IQSEC1: variants seen among roughly 807,000 people sequenced by gnomAD.
IQSEC1 encodes the protein IQ motif and Sec7 domain ArfGEF 1.
A neutral mutation model predicts 91.0 loss-of-function variants in IQSEC1; 31 were observed. The observed-to-expected ratio is 0.34, with a 90% CI of 0.26 to 0.46. IQSEC1 has a LOEUF of 0.46. Among genes scored for constraint, IQSEC1 ranks in the 20% least tolerant of loss-of-function variants. The probability of loss-of-function intolerance (pLI) is 1.00; values close to 1 mark genes in which losing one functional copy is unlikely to be tolerated. For missense variants in IQSEC1, 1,388 were observed against 1,575.6 expected, an observed-to-expected ratio of 0.88 and a Z score of 2.02; for synonymous variants, 699 against 662.6, an observed-to-expected ratio of 1.05 and a Z score of -0.84.
chr3:13,169,184 C>T (rs1483040081), intron 1 of IQSEC1, among the ~76,000 whole-genome samples: 1 of 152,198 alleles, frequency 6.6e-6, no homozygotes, highest in East Asian at 1.9e-4. Context: ...GGGGGCAGGT[C>T]TTTCCCATGC....
intron 2 of IQSEC1, among the ~76,000 whole-genome samples, chr3:13,123,962 C>A (rs1337798050): frequency 6.6e-6 from 1 of 152,230 alleles, no homozygotes; most frequent in Non-Finnish European, 1.5e-5. Context: ...TGGAACGCAG[C>A]CACACCTGTT....
intron 2 of IQSEC1, among the ~76,000 whole-genome samples, chr3:12,941,338 C>T (rs367823252): frequency 6.6e-5 from 10 of 152,198 alleles, no homozygotes; most frequent in Admixed American, 3.9e-4. Flanking sequence ...CCAGAAGGAA[C>T]GCCAGACAAC....
chr3:13,047,444 C>T lies in IQSEC1; in HGVS notation c.23+25548G>A, dbSNP rs180801191. ...TGGGCAGTGAGGACCTAAGGAGATC[C>T]TGGGGCAGGCTGGGGTGGACGGCAA... is the stretch of plus-strand genomic sequence containing the variant. On this transcript the variant is annotated intron_variant, in intron 1 of 13. Coordinates refer to ENST00000613206, the MANE Select transcript of IQSEC1 (RefSeq NM_001134382.3). The T allele has an allele frequency of 1.4e-3, 1,330 of 983,266 alleles. 1 individual carries two copies. The highest frequency in any genetic ancestry group is 1.5e-3 in the Non-Finnish European group (1,264 of 827,982). The allele number at this position is 983,266 out of a possible 1,614,324, so 60.9% of individuals were successfully genotyped here. A position where few individuals can be genotyped will look rare whatever the true frequency, so the allele number is the denominator to read the frequency against.
In IQSEC1 at chr3:12,901,458, C is replaced by T. The variant is rs940980981; in HGVS notation, c.2870G>A (p.Arg957His). ...TGAGTTGGGCATAGTCTGGTGTGGG[C>T]GAGATGGACACTCTCGTGTTGATGT... Reference protein sequence around the residue: ...RATSTRECPSRPHQTMPNSSS... With the variant: ...RATSTRECPSHPHQTMPNSSS... Residue 957 changes from arginine (R) to histidine (H), a missense_variant, in exon 14 of 14, where the codon CGC (arginine) becomes CAC (histidine). Coordinates refer to ENST00000613206, the MANE Select transcript of IQSEC1 (RefSeq NM_001134382.3). 8.4e-6 allele frequency: 13 copies of T among 1,548,974 alleles called. No homozygotes were observed. The highest frequency in any genetic ancestry group is 1.7e-4 in the Middle Eastern group (1 of 6,014).
intron 1 of IQSEC1, chr3:13,042,447 T>C (rs360735): frequency 0.73 from 111,028 of 152,272 alleles, 40,992 homozygotes; most frequent in South Asian, 0.86. Flanking sequence ...GAGAACCGGC[T>C]GCTTCGGCCC....
chr3:13,145,594 G>A (rs1029018725), intron 2 of IQSEC1, among the ~76,000 whole-genome samples: 8 of 152,034 alleles, frequency 5.3e-5, no homozygotes, highest in Non-Finnish European at 1.0e-4. Context: ...AGTCATGACC[G>A]ACTTGGCCCA....
intron 2 of IQSEC1, among the ~76,000 whole-genome samples, chr3:13,116,438 C>G (rs908095271): frequency 6.6e-6 from 1 of 152,266 alleles, no homozygotes; most frequent in African/African-American, 2.4e-5. Flanking sequence ...GAATAGAGAG[C>G]CCAGAAATAA....
Position 12,909,234 on chromosome 3 carries a change from G to C in IQSEC1, c.2578+39C>G, listed in dbSNP as rs757139954. On this transcript the variant is annotated intron_variant, in intron 11 of 13. Transcript: ENST00000613206. This position sits in a 1 kb window ranked among gnomAD's most constrained non-coding sequence, Gnocchi z 4.9. ...ATGGGGAGGCAAGTGCCAGAGTCTG[G>C]CAAGTCTCGGCCTTCTGTCCATGAG... The C allele has an allele frequency of 5.0e-6, 8 of 1,602,602 alleles. No individual in the cohort carries two copies. Among genetic ancestry groups the C allele is most frequent in the Admixed American group, 1.7e-5 (1 of 59,706 alleles).
chr3:13,246,829 T>C (rs893956599), intron 1 of IQSEC1, among the ~76,000 whole-genome samples: 3 of 152,106 alleles, frequency 2.0e-5, no homozygotes, highest in Admixed American at 6.5e-5. Context: ...AACAGCGAGC[T>C]ATGAGCCCTG....
intron 1 of IQSEC1, among the ~76,000 whole-genome samples, chr3:13,250,878 G>A (rs1337086781): frequency 1.3e-5 from 2 of 152,004 alleles, no homozygotes; most frequent in Admixed American, 6.6e-5. Context: ...GCCTCTCTGG[G>A]CTCCCTCCCT....
chr3:13,183,724 TTTTG>T (rs1316362722), intron 1 of IQSEC1, among the ~76,000 whole-genome samples: 3 of 152,172 alleles, frequency 2.0e-5, no homozygotes, highest in Admixed American at 1.3e-4. Context: ...AATTCTTGTG[TTTTG>T]TTTGTTTGTT....
intron 2 of IQSEC1, among the ~76,000 whole-genome samples, chr3:13,138,446 A>T (rs1052564350): frequency 2.7e-5 from 4 of 148,978 alleles, no homozygotes. Context: ...TGCAACACCC[A>T]CCCCTGCAGC....
intron 1 of IQSEC1, among the ~76,000 whole-genome samples, chr3:13,167,690 T>C (rs61485721): frequency 0.1 from 15,354 of 152,174 alleles, 1,414 homozygotes; most frequent in African/African-American, 0.24. Context: ...ACCAAGCCTT[T>C]CTCCAGGTGG....
In IQSEC1 at chr3:12,935,343, A is replaced by T; in HGVS notation, c.1568+105T>A. 1 of 1,150,940 alleles carries T rather than the reference A, an allele frequency of 8.7e-7. No homozygotes were observed. The highest frequency in any genetic ancestry group is 1.2e-6 in the Non-Finnish European group (1 of 804,832). The allele number at this position is 1,150,940 out of a possible 1,614,324, so 71.3% of individuals were successfully genotyped here. On this transcript the variant is annotated intron_variant, in intron 3 of 13. Transcript: ENST00000613206. This position sits in a 1 kb window ranked among gnomAD's most constrained non-coding sequence, Gnocchi z 8.0. ...TGGCAGCTTCCTATGCTCATAGGCC[A>T]CGGTGGACCTCAAGCTCCGTGCTTG... is the stretch of plus-strand genomic sequence containing the variant.
At chr3:13,029,918 A>G (rs940649119) in intron 1 of IQSEC1, among the ~76,000 whole-genome samples, 34 of 152,112 alleles carry the variant, frequency 2.2e-4, no homozygotes. Flanking sequence ...AACCTGCTCC[A>G]TGGCTTTCCT....
At chr3:13,175,759 C>T (rs934178048) in intron 1 of IQSEC1, among the ~76,000 whole-genome samples, 7 of 152,238 alleles carry the variant, frequency 4.6e-5, no homozygotes, top group South Asian at 2.1e-4. Context: ...GCCACTTGTC[C>T]GGTTCACAGA....
chr3:12,978,332 G>GCAA (rs1347165042), intron 1 of IQSEC1, among the ~76,000 whole-genome samples: 8 of 152,286 alleles, frequency 5.3e-5, no homozygotes, highest in South Asian at 2.1e-4. Flanking sequence ...AGCAGCAGCA[G>GCAA]CCTCAGCTGG....
intron 1 of IQSEC1, among the ~76,000 whole-genome samples, chr3:13,199,131 C>T (rs1203213075): frequency 6.6e-6 from 1 of 152,172 alleles, no homozygotes; most frequent in African/African-American, 2.4e-5. Flanking sequence ...GGGCAGGCGA[C>T]ACAACATGGC....
chr3:12,897,314 G>GAAAAC lies in IQSEC1; in HGVS notation c.*3664_*3668dup, dbSNP rs747063025. Reference sequence around the variant, plus strand: ...TGCCACTGACAAACAGAATGCAGATGAAAACAAACGCACTCCTTTCCTCTC... The same window carrying GAAAAC: ...TGCCACTGACAAACAGAATGCAGATGAAAACAAAACAAACGCACTCCTTTCCTCTC... On this transcript the variant is annotated 3_prime_UTR_variant, in exon 14 of 14. Coordinates refer to ENST00000613206, the MANE Select transcript of IQSEC1 (RefSeq NM_001134382.3). The GAAAAC allele has an allele frequency of 4.6e-5, 7 of 152,258 alleles. No homozygotes were observed. The highest frequency in any genetic ancestry group is 8.8e-5 in the Non-Finnish European group (6 of 68,046). 9.4% of individuals were successfully genotyped at this position (152,258 alleles called of 1,614,324 possible).
Sources: gnomAD v4.1 joint callset for allele counts (sites outside exome capture counted in the v4.1 genomes callset) on GRCh38, gnomAD v4.1.1 for gene constraint, Gnocchi (gnomAD v3.1) non-coding constraint, MANE v1.5 for transcripts, NCBI Gene and HGNC (gene_info 2026-07-23, HGNC 2026-07-21) for gene names.